B4GALT6: variants seen among roughly 807,000 people sequenced by gnomAD.
B4GALT6 encodes the protein UDP-Gal:beta-GlcNAc beta-1,4-galactosyltransferase 6.
Under a neutral mutation model 46.3 loss-of-function variants are expected in B4GALT6, and 14 were observed. The ratio of observed to expected loss-of-function variants is 0.30; its 90% CI spans 0.20 to 0.47. B4GALT6 has a LOEUF of 0.47. Ranked by LOEUF, B4GALT6 falls within the 20% of genes least tolerant of loss-of-function variation. The probability of loss-of-function intolerance (pLI) is 0.99; values close to 1 mark genes in which losing one functional copy is unlikely to be tolerated. For missense variants in B4GALT6, 386 were observed against 480.1 expected (o/e 0.80, Z 1.83); for synonymous variants, 168 against 162.0 (o/e 1.04, Z -0.28).
the B4GALT6 span, chr18:31,719,268 C>G: frequency 2.0e-5 from 3 of 152,256 alleles, no homozygotes; most frequent in Non-Finnish European, 4.4e-5. Flanking sequence ...AGGGAGACCT[C>G]TGCCATGTGG....
chr18:31,634,001 G>A (rs1740734193), intron 5 of B4GALT6, among the ~76,000 whole-genome samples: 1 of 152,170 alleles, frequency 6.6e-6, no homozygotes, highest in Non-Finnish European at 1.5e-5. Context: ...TGACAGGCTG[G>A]CCTTTTCTTT....
chr18:31,693,502 A>AT, the B4GALT6 span, among the ~76,000 whole-genome samples: 2 of 152,360 alleles, frequency 1.3e-5, no homozygotes, highest in Non-Finnish European at 2.9e-5. Context: ...ATAAAATATT[A>AT]TAGCTTACTT....
the B4GALT6 span, chr18:31,724,336 G>T: frequency 1.4e-6 from 1 of 723,158 alleles, no homozygotes; most frequent in Non-Finnish European, 1.9e-6. Flanking sequence ...AGTCCAGGCG[G>T]CTTAGCCTCT....
In B4GALT6 at chr18:31,623,043, A is replaced by G. The variant is rs1187732815; in HGVS notation, c.*2571T>C. The G allele has an allele frequency of 6.6e-6, 1 of 152,026 alleles. No homozygotes were observed. Among genetic ancestry groups the G allele is most frequent in the South Asian group, 2.1e-4 (1 of 4,832 alleles). The allele number at this position is 152,026 out of a possible 1,614,324, so 9.4% of individuals were successfully genotyped here. On this transcript the variant is annotated 3_prime_UTR_variant, in exon 9 of 9. Coordinates refer to ENST00000306851, the MANE Select transcript of B4GALT6 (RefSeq NM_004775.5). ...TCTTCATAATTTCAGAAAGATCTCA[A>G]TTTGCTTGACTTCATTTGTTTAGAA...
chr18:31,645,452 T>G lies in B4GALT6; in HGVS notation c.374A>C (p.Glu125Ala). 1 of 1,612,450 alleles carries G rather than the reference T, an allele frequency of 6.2e-7. No individual in the cohort carries two copies. ...TTGATGAATTTCATCAAAACTGACT[T>G]CGCTTACATTGACATTGAGGAATCC... The part of the protein sequence containing the change: ...MRGFLNVNVS[E>A]VSFDEIHQLF... The change falls in exon 4 of 9, where the codon GAA becomes GCA. Residue 125 changes from glutamate to alanine, a missense_variant. Coordinates refer to ENST00000306851, the MANE Select transcript of B4GALT6 (RefSeq NM_004775.5).
chr18:31,682,498 A>G (rs1308341693), intron 1 of B4GALT6, among the ~76,000 whole-genome samples: 19 of 152,212 alleles, frequency 1.2e-4, no homozygotes, highest in Non-Finnish European at 5.9e-5. Flanking sequence ...TTTTTACATT[A>G]TATCAGTGAC....
the B4GALT6 span, among the ~76,000 whole-genome samples, chr18:31,697,124 T>G: frequency 6.6e-6 from 1 of 151,976 alleles, no homozygotes; most frequent in Non-Finnish European, 1.5e-5. Flanking sequence ...ATACAAAAAT[T>G]AGCTGGGCAT....
intron 6 of B4GALT6, 61 bp downstream of exon 6, chr18:31,630,898 T>C (rs958172607): frequency 1.3e-6 from 2 of 1,563,498 alleles, no homozygotes; most frequent in Non-Finnish European, 8.8e-7. Context: ...GCTGCTACCA[T>C]TTCAATGCTA....
chr18:31,704,355 T>A, the B4GALT6 span, among the ~76,000 whole-genome samples: 7 of 151,734 alleles, frequency 4.6e-5, no homozygotes. Context: ...ATTACAGAAA[T>A]GCGCCACCAT....
At chr18:31,685,226 A>G (rs1173921712), upstream of B4GALT6, among the ~76,000 whole-genome samples, 4 of 149,714 alleles carry the variant, frequency 2.7e-5, no homozygotes, top group African/African-American at 9.8e-5. Flanking sequence ...CAGCGGCATT[A>G]CCGCCGCGCG....
At chr18:31,659,067 C>A (rs910092139) in intron 2 of B4GALT6, among the ~76,000 whole-genome samples, 1 of 152,166 alleles carries the variant, frequency 6.6e-6, no homozygotes, top group African/African-American at 2.4e-5. Flanking sequence ...ATGACATCAA[C>A]ATGCAATGAG....
At chr18:31,711,299 G>T in the B4GALT6 span, among the ~76,000 whole-genome samples, 1 of 152,114 alleles carries the variant, frequency 6.6e-6, no homozygotes, top group Non-Finnish European at 1.5e-5. Context: ...ATTGCAGGTT[G>T]ATTATACAGG....
intron 1 of B4GALT6, among the ~76,000 whole-genome samples, chr18:31,677,912 A>G (rs530930471): frequency 2.0e-5 from 3 of 152,278 alleles, no homozygotes; most frequent in East Asian, 1.9e-4. Flanking sequence ...GGAGCTCCCA[A>G]TGGCGACCTA....
chr18:31,675,399 G>A (rs1457824362), intron 1 of B4GALT6, among the ~76,000 whole-genome samples: 1 of 152,130 alleles, frequency 6.6e-6, no homozygotes. Flanking sequence ...TCCTGCAAAG[G>A]CACAAACTGT....
In B4GALT6 at chr18:31,625,546, C is replaced by T. The variant is rs1567954941; in HGVS notation, c.*68G>A. 2.6e-6 allele frequency: 4 copies of T among 1,563,810 alleles called. No individual in the cohort carries two copies. Among genetic ancestry groups the T allele is most frequent in the Non-Finnish European group, 2.6e-6 (3 of 1,140,664 alleles). ...CTGTGACACAGCCAATCACTGACCT[C>T]CACTAAGAGCGCGCTCCAAGTTTAT... On this transcript the variant is annotated 3_prime_UTR_variant, in exon 9 of 9. Coordinates refer to ENST00000306851, the MANE Select transcript of B4GALT6 (RefSeq NM_004775.5).
chr18:31,699,525 C>T, the B4GALT6 span, among the ~76,000 whole-genome samples: 5 of 151,586 alleles, frequency 3.3e-5, no homozygotes, highest in South Asian at 2.1e-4. Flanking sequence ...CTGCCTGCCT[C>T]GGCCTCCCAA....
intron 1 of B4GALT6, among the ~76,000 whole-genome samples, chr18:31,669,099 C>T (rs1329737979): frequency 1.3e-5 from 2 of 151,638 alleles, no homozygotes; most frequent in East Asian, 3.9e-4. Flanking sequence ...TTGTTGAATG[C>T]CTGCCCTCTG....
At chr18:31,663,193 C>A (rs1022135988) in intron 2 of B4GALT6, among the ~76,000 whole-genome samples, 1 of 152,174 alleles carries the variant, frequency 6.6e-6, no homozygotes, top group African/African-American at 2.4e-5. Context: ...CAAAGAACAC[C>A]TTTTAATGGC....
chr18:31,720,942 T>G, the B4GALT6 span, among the ~76,000 whole-genome samples: 1 of 152,248 alleles, frequency 6.6e-6, no homozygotes, highest in Non-Finnish European at 1.5e-5. Context: ...GGGAGAAGTA[T>G]ACATCATTTG....
Sources: gnomAD v4.1 joint callset for allele counts (sites outside exome capture counted in the v4.1 genomes callset) on GRCh38, gnomAD v4.1.1 for gene constraint, MANE v1.5 for transcripts, NCBI Gene and HGNC (gene_info 2026-07-23, HGNC 2026-07-21) for gene names.